Variants in CDC42BPA observed in about 807,000 individuals in gnomAD.
CDC42BPA encodes serine/threonine-protein kinase MRCK alpha.
Under a neutral mutation model 223.5 loss-of-function variants are expected in CDC42BPA, and 80 were observed. The observed-to-expected ratio is 0.36, with a 90% confidence interval of 0.30 to 0.43. The LOEUF (loss-of-function observed/expected upper bound fraction) is 0.43, where lower values mean the gene tolerates loss of function less well. Ranked by LOEUF, CDC42BPA falls within the 20% of genes least tolerant of loss-of-function variation. The pLI is 1.00. For missense variants in CDC42BPA, 1,743 were observed against 2,099.9 expected, an observed-to-expected ratio of 0.83 and a Z score of 3.32; for synonymous variants, 694 against 718.6, an observed-to-expected ratio of 0.97 and a Z score of 0.55.
intron 1 of CDC42BPA, among the ~76,000 whole-genome samples, chr1:227,268,685 C>T (rs1468350822): frequency 7.4e-6 from 1 of 134,596 alleles, no homozygotes; most frequent in Non-Finnish European, 1.5e-5. Flanking sequence ...TATATACACA[C>T]ACACACTTTT....
At chr1:227,141,635 G>A (rs1323774572) in intron 9 of CDC42BPA, among the ~76,000 whole-genome samples, 2 of 152,132 alleles carry the variant, frequency 1.3e-5, no homozygotes, top group Non-Finnish European at 2.9e-5. Context: ...GGATGACAGA[G>A]GTTTCAAACT....
chr1:227,171,333 C>T (rs1666060049), intron 5 of CDC42BPA, among the ~76,000 whole-genome samples: 1 of 152,114 alleles, frequency 6.6e-6, no homozygotes. Flanking sequence ...ACTTTAAAAG[C>T]ATTCTATGCT....
chr1:227,060,801 A>C (rs1368928690), intron 21 of CDC42BPA, among the ~76,000 whole-genome samples: 1 of 140,580 alleles, frequency 7.1e-6, no homozygotes, highest in Non-Finnish European at 1.5e-5. Context: ...GGCTCACTGC[A>C]ACCTCTACCT....
chr1:227,007,272 ACAT>A (rs1461122285), intron 34 of CDC42BPA, among the ~76,000 whole-genome samples: 1 of 152,226 alleles, frequency 6.6e-6, no homozygotes, highest in Non-Finnish European at 1.5e-5. Flanking sequence ...TATCTTTTCT[ACAT>A]CATCAGAAAA....
chr1:227,262,810 C>A (rs1478284159), intron 1 of CDC42BPA, among the ~76,000 whole-genome samples: 1 of 152,208 alleles, frequency 6.6e-6, no homozygotes, highest in Non-Finnish European at 1.5e-5. Context: ...ATATACTACA[C>A]AGATTTTAAA....
chr1:227,303,317 A>T (rs1691986693), intron 1 of CDC42BPA, among the ~76,000 whole-genome samples: 1 of 152,190 alleles, frequency 6.6e-6, no homozygotes, highest in Admixed American at 6.5e-5. Flanking sequence ...AGACTCTTCT[A>T]ATCTTCTAAT....
At chr1:227,093,137 A>G (rs1383411685) in intron 15 of CDC42BPA, among the ~76,000 whole-genome samples, 1 of 152,208 alleles carries the variant, frequency 6.6e-6, no homozygotes, top group Non-Finnish European at 1.5e-5. Context: ...ACAGTTCCTC[A>G]GTCTTCCCTA....
chr1:227,121,504 T>C (rs981859698), intron 11 of CDC42BPA, among the ~76,000 whole-genome samples: 38 of 152,310 alleles, frequency 2.5e-4, no homozygotes, highest in African/African-American at 8.7e-4. Flanking sequence ...TTTGAAAGTA[T>C]AGTTATTAAT....
chr1:227,196,112 T>C (rs1670639123), intron 4 of CDC42BPA, among the ~76,000 whole-genome samples: 1 of 150,986 alleles, frequency 6.6e-6, no homozygotes, highest in African/African-American at 2.4e-5. Flanking sequence ...TTAAAAGAGC[T>C]CCAGTCCAAT....
chr1:227,061,255 C>G (rs1241860928), intron 21 of CDC42BPA, among the ~76,000 whole-genome samples: 1 of 152,138 alleles, frequency 6.6e-6, no homozygotes, highest in Non-Finnish European at 1.5e-5. Flanking sequence ...ATAAACAAAT[C>G]AACTCCAACT....
intron 21 of CDC42BPA, among the ~76,000 whole-genome samples, chr1:227,060,151 C>T (rs1675562071): frequency 1.3e-5 from 2 of 150,918 alleles, no homozygotes; most frequent in African/African-American, 4.9e-5. Context: ...CCTACCTCAG[C>T]CTCCTGAGTA....
intron 32 of CDC42BPA, among the ~76,000 whole-genome samples, chr1:227,017,579 C>T (rs1666537449): frequency 6.6e-6 from 1 of 152,120 alleles, no homozygotes; most frequent in Non-Finnish European, 1.5e-5. Context: ...AAAGAAGGAG[C>T]TGTGCTTCCA....
chr1:227,207,436 A>G (rs1672980442), intron 3 of CDC42BPA, among the ~76,000 whole-genome samples: 1 of 145,982 alleles, frequency 6.9e-6, no homozygotes, highest in African/African-American at 2.6e-5. Context: ...ACATATGTAT[A>G]CATGTGCCAT....
intron 22 of CDC42BPA, among the ~76,000 whole-genome samples, chr1:227,049,506 TAC>T (rs1673113116): frequency 6.6e-6 from 1 of 152,106 alleles, no homozygotes; most frequent in Admixed American, 6.6e-5. Context: ...AATAGATCTA[TAC>T]ATTAATGCAA....
Position 227,317,397 on chromosome 1 carries a change from G to A in CDC42BPA, c.-215C>T, listed in dbSNP as rs1283106301. 1.8e-5 allele frequency: 8 copies of A among 439,724 alleles called. No individual in the cohort carries two copies. Among genetic ancestry groups the A allele is most frequent in the East Asian group, 3.4e-5 (1 of 29,544 alleles). The allele number at this position is 439,724 out of a possible 1,614,324, so 27.2% of individuals were successfully genotyped here. On this transcript the variant is annotated 5_prime_UTR_variant, in exon 1 of 37. Coordinates refer to ENST00000366766, the MANE Select transcript of CDC42BPA (RefSeq NM_001394014.1). ...TTCACCCATATACATATATTTTGAG[G>A]GTAAATTACCATAAAATATATACTT...
chr1:227,015,523 G>A (rs1025504360), intron 34 of CDC42BPA, among the ~76,000 whole-genome samples: 8 of 152,138 alleles, frequency 5.3e-5, no homozygotes, highest in Admixed American at 1.3e-4. Context: ...ACAAAGTGCT[G>A]GGATTACAGG....
At chr1:227,090,448 TA>T (rs1392082946) in intron 16 of CDC42BPA, among the ~76,000 whole-genome samples, 12 of 152,168 alleles carry the variant, frequency 7.9e-5, no homozygotes, top group Non-Finnish European at 1.8e-4. Flanking sequence ...GATATCATTA[TA>T]AAATACAATT....
At chr1:227,242,068 T>A (rs1437352350) in intron 2 of CDC42BPA, among the ~76,000 whole-genome samples, 1 of 152,004 alleles carries the variant, frequency 6.6e-6, no homozygotes, top group Non-Finnish European at 1.5e-5. Flanking sequence ...TATCAGCAAA[T>A]CAAACCCAAC....
rs1684764026 is a variant in CDC42BPA, at chr1:227,265,125, C to T, written c.179-10970G>A. 5.3e-6 allele frequency: 4 copies of T among 761,766 alleles called. No homozygotes were observed. The South Asian group carries it at 5.5e-5, about 10-fold the overall frequency. 47.2% of individuals were successfully genotyped at this position (761,766 alleles called of 1,614,324 possible). On this transcript the variant is annotated intron_variant, in intron 1 of 36. Coordinates refer to ENST00000366766, the MANE Select transcript of CDC42BPA (RefSeq NM_001394014.1). ...TACCAAATTTTAACAGAAACTTTAA[C>T]ATGCTGTGTACTAAGATTCCAGCAA...
Sources: gnomAD v4.1 joint callset for allele counts (sites outside exome capture counted in the v4.1 genomes callset) on GRCh38, gnomAD v4.1.1 for gene constraint, MANE v1.5 for transcripts, NCBI Gene and HGNC (gene_info 2026-07-23, HGNC 2026-07-21) for gene names.